Variants in ATP13A3 observed in about 807,000 individuals in gnomAD.
ATP13A3 encodes polyamine-transporting ATPase 13A3.
Under a neutral mutation model 158.1 loss-of-function variants are expected in ATP13A3, and 59 were observed. The ratio of observed to expected loss-of-function variants is 0.37; its 90% CI spans 0.30 to 0.46. The LOEUF is 0.46. Among genes scored for constraint, ATP13A3 ranks in the 20% least tolerant of loss-of-function variants. The probability of loss-of-function intolerance (pLI) is 1.00; values close to 1 mark genes in which losing one functional copy is unlikely to be tolerated. For synonymous variants in ATP13A3, 491 were observed against 504.3 expected (o/e 0.97, Z 0.35); for missense variants, 1,166 against 1,525.2 (o/e 0.76, Z 3.92).
Position 194,494,299 on chromosome 3 carries a change from A to C in ATP13A3, n.516-19T>G. ...AAGTATGCTGAGTAAGTGGAGAACA[A>C]GTTAACATTGATTTTCACAACCACG... On this transcript the variant is annotated intron_variant and non_coding_transcript_variant, in intron 1 of 32. Coordinates refer to the ATP13A3 transcript ENST00000687055. The surrounding 1 kb of genome is among the most constrained non-coding windows in gnomAD (Gnocchi z 4.2). 1 of 398,580 alleles carries C rather than the reference A, an allele frequency of 2.5e-6. No homozygotes were observed. The highest frequency in any genetic ancestry group is 4.4e-6 in the Non-Finnish European group (1 of 226,054). The allele number at this position is 398,580 out of a possible 1,614,324, so 24.7% of individuals were successfully genotyped here.
chr3:194,494,315 C>T lies in ATP13A3; in HGVS notation n.516-35G>A, dbSNP rs1353662114. On this transcript the variant is annotated intron_variant and non_coding_transcript_variant, in intron 1 of 32. Transcript: ENST00000687055. This position sits in a 1 kb window ranked among gnomAD's most constrained non-coding sequence, Gnocchi z 4.2. ...TGGAGAACAAGTTAACATTGATTTT[C>T]ACAACCACGATGTCAGACTAGCAAT... 2 of 398,336 alleles carry T rather than the reference C, an allele frequency of 5.0e-6. No homozygotes were observed. Among genetic ancestry groups the T allele is most frequent in the Non-Finnish European group, 4.4e-6 (1 of 226,012 alleles). The allele number at this position is 398,336 out of a possible 1,614,324, so 24.7% of individuals were successfully genotyped here. A position where few individuals can be genotyped will look rare whatever the true frequency, so the allele number is the denominator to read the frequency against.
intron 10 of ATP13A3, chr3:194,452,183 G>A (rs1295367031): frequency 6.6e-6 from 1 of 151,838 alleles, no homozygotes; most frequent in Non-Finnish European, 1.5e-5. Context: ...GGTTGACACT[G>A]TTTCTACTAA....
chr3:194,483,133 A>C (rs1468234287), intron 2 of ATP13A3, among the ~76,000 whole-genome samples: 2 of 151,450 alleles, frequency 1.3e-5, no homozygotes, highest in African/African-American at 4.9e-5. Context: ...TTTTTTTTTA[A>C]ATTAGCCAGA....
At chr3:194,435,478 CAG>C (rs1190997175) in intron 20 of ATP13A3, among the ~76,000 whole-genome samples, 4 of 151,472 alleles carry the variant, frequency 2.6e-5, no homozygotes, top group Admixed American at 1.3e-4. Context: ...AATGGAAACA[CAG>C]AGGTCTCGGT....
At chr3:194,480,651 C>A (rs911335149) in intron 2 of ATP13A3, among the ~76,000 whole-genome samples, 23 of 152,012 alleles carry the variant, frequency 1.5e-4, no homozygotes, top group Non-Finnish European at 2.2e-4. Flanking sequence ...CATAACCTTA[C>A]GGAGATAGCA....
At position 194,459,772 on chromosome 3, in the gene ATP13A3, C is replaced by G; in HGVS notation, c.408+17G>C. On this transcript the variant is annotated intron_variant, in intron 5 of 33. Transcript: ENST00000645319. ...ATTCTGATTTTTAAAGAAACTTTGA[C>G]ATTAAGATCACAATACCTGTTGTGA... is the stretch of plus-strand genomic sequence containing the variant. The G allele has an allele frequency of 6.3e-7, 1 of 1,584,150 alleles. No homozygotes were observed. The highest frequency in any genetic ancestry group is 8.6e-7 in the Non-Finnish European group (1 of 1,165,644).
At chr3:194,428,091 C>T (rs1716932366) in intron 28 of ATP13A3, among the ~76,000 whole-genome samples, 1 of 151,888 alleles carries the variant, frequency 6.6e-6, no homozygotes, top group Non-Finnish European at 1.5e-5. Context: ...CATGATGGTG[C>T]ACACCTGTAA....
rs111562842 is a variant in ATP13A3 at position 194,405,590 on chromosome 3, T to A, written c.*329A>T. Reference sequence around the variant, plus strand: ...GGTAAACTAGTCTCAAAAACTAATGTTGAAAAACCTACCAAACACCAAACT... The same window carrying A: ...GGTAAACTAGTCTCAAAAACTAATGATGAAAAACCTACCAAACACCAAACT... On this transcript the variant is annotated 3_prime_UTR_variant, in exon 34 of 34. Coordinates refer to ENST00000645319, the MANE Select transcript of ATP13A3 (RefSeq NM_001367549.1). 1 of 222,850 alleles carries A rather than the reference T, an allele frequency of 4.5e-6. No individual in the cohort carries two copies. The highest frequency in any genetic ancestry group is 9.0e-6 in the Non-Finnish European group (1 of 111,670). The allele number at this position is 222,850 out of a possible 1,614,324, so 13.8% of individuals were successfully genotyped here. A position where few individuals can be genotyped will look rare whatever the true frequency, so the allele number is the denominator to read the frequency against.
At position 194,405,766 on chromosome 3, in the gene ATP13A3, T is replaced by C; in HGVS notation, c.*153A>G. ...TTAGGACGATATATTTTTCTGTTTT[T>C]ATTTTAAGGAAGAGCAAAGCTGTCA... On this transcript the variant is annotated 3_prime_UTR_variant, in exon 34 of 34. Transcript: ENST00000645319. 1.3e-6 allele frequency: 1 copy of C among 757,074 alleles called. No homozygotes were observed. The highest frequency in any genetic ancestry group is 2.1e-6 in the Non-Finnish European group (1 of 474,952). 46.9% of individuals were successfully genotyped at this position (757,074 alleles called of 1,614,324 possible).
Position 194,410,331 on chromosome 3 carries a change from A to AAC in ATP13A3, c.3573+1867_3573+1868insGT, listed in dbSNP as rs869283016. Among the ~76,000 whole-genome samples, 159 of 133,036 alleles carry AAC rather than the reference A, an allele frequency of 1.2e-3. 1 individual carries two copies. The highest frequency in any genetic ancestry group is 4.2e-3 in the African/African-American group (148 of 34,892). The allele number at this position is 133,036 out of a possible 152,430, so 87.3% of individuals were successfully genotyped here. A position where few individuals can be genotyped will look rare whatever the true frequency, so the allele number is the denominator to read the frequency against. ...AAAAAAAAAAAAAAAAAAAAAAAAA[A>AAC]CTGCTGGGCCTGGGATGGCATGCAC... On this transcript the variant is annotated intron_variant, in intron 33 of 33. Coordinates refer to ENST00000645319, the MANE Select transcript of ATP13A3 (RefSeq NM_001367549.1).
At chr3:194,481,322 T>C (rs897610734) in intron 2 of ATP13A3, among the ~76,000 whole-genome samples, 2 of 150,258 alleles carry the variant, frequency 1.3e-5, no homozygotes, top group Non-Finnish European at 3.0e-5. Flanking sequence ...AAACTAAAAA[T>C]AGTTTGTTTC....
intron 6 of ATP13A3, among the ~76,000 whole-genome samples, chr3:194,457,453 T>C (rs1469507932): frequency 6.6e-6 from 1 of 152,214 alleles, no homozygotes; most frequent in Non-Finnish European, 1.5e-5. Context: ...TATATAATAA[T>C]ATCATTATCC....
rs759833543 is a variant in ATP13A3, at chr3:194,406,137, C to A, written c.3574-21G>T. On this transcript the variant is annotated intron_variant, in intron 33 of 33. Transcript: ENST00000645319. ...GACTCCTAAGAAAATAAGAAAAAAACAAAACAAAACACCCCAGTTGATTAA... is the reference window on the plus strand; with the variant it reads ...GACTCCTAAGAAAATAAGAAAAAAAAAAAACAAAACACCCCAGTTGATTAA... The A allele has an allele frequency of 3.1e-6, 5 of 1,611,330 alleles. No homozygotes were observed. In the South Asian group the frequency reaches 3.3e-5, roughly 11 times the overall value.
At chr3:194,427,729 ATAAAGT>A (rs1716901952) in intron 28 of ATP13A3, among the ~76,000 whole-genome samples, 1 of 151,734 alleles carries the variant, frequency 6.6e-6, no homozygotes, top group Non-Finnish European at 1.5e-5. Flanking sequence ...CACAATAACT[ATAAAGT>A]TAATCATCTC....
At chr3:194,432,034 T>G in intron 21 of ATP13A3, 142 bp from the exon 22 acceptor site, 3 of 659,426 alleles carry the variant, frequency 4.5e-6, no homozygotes, top group Non-Finnish European at 6.7e-6. Flanking sequence ...CACTTACAGT[T>G]TAAAAATAAC....
In ATP13A3 at chr3:194,431,810, T is replaced by C; in HGVS notation, c.2328A>G (p.Ala776=). 6.2e-7 allele frequency: 1 copy of C among 1,613,556 alleles called. No homozygotes were observed. Among genetic ancestry groups the C allele is most frequent in the South Asian group, 1.1e-5 (1 of 90,958 alleles). ...LPQDKVIIAE[A]LPPKDGKVAK... ...CAACTTTCCCATCCTTTGGAGGTAA[T>C]GCTTCAGCAATAATCACTTTATCCT... is the stretch of plus-strand genomic sequence containing the variant. The change falls in exon 22 of 34, where the codon GCA becomes GCG. Residue 776 remains alanine (A), a synonymous_variant. Transcript: ENST00000645319.
At position 194,437,258 on chromosome 3, in the gene ATP13A3, T is replaced by C. The variant is rs749869864; in HGVS notation, c.2000-43A>G. 4 of 1,613,888 alleles carry C rather than the reference T, an allele frequency of 2.5e-6. No individual in the cohort carries two copies. The South Asian group carries it at 4.4e-5, about 18-fold the overall frequency. On this transcript the variant is annotated intron_variant, in intron 19 of 33. Transcript: ENST00000645319. ...TAAATTTCATTGTTAGAGTTGCTAA[T>C]ACAAGTTTACTCAAATACCAGAATT...
chr3:194,468,551 TAGTC>T (rs1720138552), intron 2 of ATP13A3, among the ~76,000 whole-genome samples: 1 of 152,222 alleles, frequency 6.6e-6, no homozygotes, highest in Non-Finnish European at 1.5e-5. Flanking sequence ...TGCTAAAAGT[TAGTC>T]AGATTTCATT....
In ATP13A3 at chr3:194,448,156, C is replaced by A; in HGVS notation, c.1151-147G>T. 1 of 816,996 alleles carries A rather than the reference C, an allele frequency of 1.2e-6. No individual in the cohort carries two copies. The highest frequency in any genetic ancestry group is 1.9e-6 in the Non-Finnish European group (1 of 523,742). 50.6% of individuals were successfully genotyped at this position (816,996 alleles called of 1,614,324 possible). On this transcript the variant is annotated intron_variant, in intron 12 of 33. Transcript: ENST00000645319. The surrounding 1 kb of genome is among the most constrained non-coding windows in gnomAD (Gnocchi z 4.0). The stretch of plus-strand genomic sequence containing the variant: ...ACAGTGGTGTGATCTCGACTCACTG[C>A]AAGCTCCGCCTCCTGGGTTCACGCC...
Sources: allele counts gnomAD v4.1 joint callset (sites outside exome capture counted in the v4.1 genomes callset), GRCh38; gene constraint gnomAD v4.1.1; non-coding constraint Gnocchi (gnomAD v3.1); transcripts MANE v1.5; gene names NCBI Gene and HGNC (gene_info 2026-07-23, HGNC 2026-07-21).